THSD4: variants seen among roughly 807,000 people sequenced by gnomAD.
THSD4 encodes the protein thrombospondin type-1 domain-containing protein 4.
In THSD4, 69 loss-of-function variants were observed where a neutral mutation model predicts 119.0. The ratio of observed to expected loss-of-function variants is 0.58; its 90% CI spans 0.48 to 0.71. The LOEUF (loss-of-function observed/expected upper bound fraction) is 0.71, where lower values mean the gene tolerates loss of function less well. THSD4 is among the 30% of genes least tolerant of loss of function. THSD4 has a pLI of 0.00. For synonymous variants in THSD4, 524 were observed against 540.4 expected (o/e 0.97, Z 0.42); for missense variants, 1,393 against 1,391.1 (o/e 1.00, Z -0.02).
chr15:71,756,775 G>C (rs2053546773), intron 14 of THSD4, among the ~76,000 whole-genome samples: 1 of 152,102 alleles, frequency 6.6e-6, no homozygotes, highest in South Asian at 2.1e-4. Flanking sequence ...GACAAAGCGA[G>C]AACCTGTCTC....
chr15:71,520,329 A>G (rs1200721437), intron 7 of THSD4, among the ~76,000 whole-genome samples: 1 of 152,170 alleles, frequency 6.6e-6, no homozygotes, highest in African/African-American at 2.4e-5. Flanking sequence ...TTGCTCCATG[A>G]TGCCATTTGC....
intron 7 of THSD4, among the ~76,000 whole-genome samples, chr15:71,548,763 G>A (rs149596449): frequency 3.9e-4 from 59 of 152,186 alleles, no homozygotes; most frequent in East Asian, 7.7e-4. Context: ...GATTTTTTTC[G>A]TGTGTAGAGT....
At chr15:71,764,707 C>T (rs1035738559) in intron 15 of THSD4, among the ~76,000 whole-genome samples, 2 of 152,210 alleles carry the variant, frequency 1.3e-5, no homozygotes, top group African/African-American at 4.8e-5. Flanking sequence ...AATGACCTGG[C>T]TGGTGTGTTC....
chr15:71,754,124 C>G (rs903961092), intron 14 of THSD4, among the ~76,000 whole-genome samples: 8 of 143,410 alleles, frequency 5.6e-5, no homozygotes, highest in African/African-American at 1.6e-4. Context: ...CTCTGTCACC[C>G]AGGCTAGAGT....
At chr15:71,723,492 G>T (rs1040809502) in intron 8 of THSD4, among the ~76,000 whole-genome samples, 1 of 152,110 alleles carries the variant, frequency 6.6e-6, no homozygotes, top group African/African-American at 2.4e-5. Flanking sequence ...TTTCTTTTGA[G>T]CTCTTTGCCC....
chr15:71,566,472 TG>T (rs2049242080), intron 7 of THSD4, among the ~76,000 whole-genome samples: 1 of 152,102 alleles, frequency 6.6e-6, no homozygotes, highest in South Asian at 2.1e-4. Flanking sequence ...ACAGGGGTTG[TG>T]GGGGTAGACA....
intron 7 of THSD4, among the ~76,000 whole-genome samples, chr15:71,590,931 G>A (rs891753073): frequency 2.2e-5 from 3 of 139,448 alleles, no homozygotes; most frequent in Admixed American, 8.0e-5. Flanking sequence ...GCTTGAACCC[G>A]GGAGGCAGAG....
intron 6 of THSD4, among the ~76,000 whole-genome samples, chr15:71,278,713 GA>G (rs1301587546): frequency 6.6e-6 from 1 of 152,190 alleles, no homozygotes; most frequent in African/African-American, 2.4e-5. Flanking sequence ...TGGCAGGTTA[GA>G]GGGGTGGAGA....
At chr15:71,196,755 A>T (rs1289533094) in intron 3 of THSD4, among the ~76,000 whole-genome samples, 3 of 152,112 alleles carry the variant, frequency 2.0e-5, no homozygotes, top group Non-Finnish European at 4.4e-5. Context: ...GGAACACGGG[A>T]AAGAGAAAGC....
At chr15:71,719,679 A>G (rs1461551086) in intron 8 of THSD4, among the ~76,000 whole-genome samples, 1 of 152,136 alleles carries the variant, frequency 6.6e-6, no homozygotes, top group Non-Finnish European at 1.5e-5. Flanking sequence ...ACAATTATCA[A>G]AACATGTATT....
chr15:71,525,074 T>C (rs2048500652), intron 7 of THSD4, among the ~76,000 whole-genome samples: 1 of 151,778 alleles, frequency 6.6e-6, no homozygotes, highest in Non-Finnish European at 1.5e-5. Context: ...GTGGTATCAA[T>C]GAGAGAAATG....
intron 6 of THSD4, among the ~76,000 whole-genome samples, chr15:71,383,175 A>G (rs1309791067): frequency 6.6e-6 from 1 of 152,222 alleles, no homozygotes; most frequent in African/African-American, 2.4e-5. Flanking sequence ...AATAGAGGAA[A>G]CTGGTTTTGG....
intron 3 of THSD4, among the ~76,000 whole-genome samples, chr15:71,199,499 T>TGTGTGGG (rs2043752460): frequency 1.0e-5 from 1 of 96,162 alleles, no homozygotes; most frequent in Non-Finnish European, 2.1e-5. Flanking sequence ...GTGTGTGTGG[T>TGTGTGGG]GTGTGTGTGT....
At chr15:71,329,638 T>C (rs983182151) in intron 6 of THSD4, among the ~76,000 whole-genome samples, 1 of 152,194 alleles carries the variant, frequency 6.6e-6, no homozygotes, top group Non-Finnish European at 1.5e-5. Flanking sequence ...AGACGCCAGC[T>C]CTGCTCAGGT....
At chr15:71,318,520 TC>T (rs2045222193) in intron 6 of THSD4, among the ~76,000 whole-genome samples, 1 of 152,180 alleles carries the variant, frequency 6.6e-6, no homozygotes, top group African/African-American at 2.4e-5. Flanking sequence ...GGAATAAGTA[TC>T]CTAATGGGAA....
intron 3 of THSD4, among the ~76,000 whole-genome samples, chr15:71,194,876 C>A (rs527686955): frequency 6.6e-6 from 1 of 152,280 alleles, no homozygotes; most frequent in Non-Finnish European, 1.5e-5. Flanking sequence ...TGGGATGTTA[C>A]ATCTGGAATT....
chr15:71,680,579 G>A (rs868789789), intron 8 of THSD4, among the ~76,000 whole-genome samples: 9 of 152,140 alleles, frequency 5.9e-5, no homozygotes, highest in African/African-American at 1.2e-4. Flanking sequence ...TTACAAAATC[G>A]TGCATGGCTA....
At chr15:71,527,871 C>T (rs899922018) in intron 7 of THSD4, among the ~76,000 whole-genome samples, 3 of 151,964 alleles carry the variant, frequency 2.0e-5, no homozygotes, top group Non-Finnish European at 4.4e-5. Context: ...CACCACCACA[C>T]TCAGCTAATC....
chr15:71,397,032 C>G (rs975059325), intron 6 of THSD4, among the ~76,000 whole-genome samples: 3 of 152,156 alleles, frequency 2.0e-5, no homozygotes, highest in African/African-American at 7.2e-5. Context: ...GTGGCACTTC[C>G]CAGGACTCTA....
Sources: allele counts gnomAD v4.1 joint callset (sites outside exome capture counted in the v4.1 genomes callset), GRCh38; gene constraint gnomAD v4.1.1; transcripts MANE v1.5; gene names NCBI Gene and HGNC (gene_info 2026-07-23, HGNC 2026-07-21).